RGL1: variants seen among roughly 807,000 people sequenced by gnomAD.
The protein encoded by RGL1 is ral guanine nucleotide dissociation stimulator-like 1.
RGL1 carries 24 observed loss-of-function variants against 95.2 expected under a neutral mutation model. The ratio of observed to expected loss-of-function variants is 0.25; its 90% CI spans 0.18 to 0.35. The LOEUF (loss-of-function observed/expected upper bound fraction) is 0.35. Among genes scored for constraint, RGL1 ranks in the 10% least tolerant of loss-of-function variants. The probability of loss-of-function intolerance (pLI) is 1.00; values close to 1 mark genes in which losing one functional copy is unlikely to be tolerated. For synonymous variants in RGL1, 329 were observed against 344.9 expected (o/e 0.95, Z 0.51); for missense variants, 715 against 936.3 (o/e 0.76, Z 3.08).
chr1:183,913,165 T>C (rs550302916), intron 15 of RGL1, among the ~76,000 whole-genome samples: 1 of 149,052 alleles, frequency 6.7e-6, no homozygotes, highest in South Asian at 2.1e-4. Flanking sequence ...CTTAAGATCT[T>C]AATTAAGACC....
chr1:183,742,730 GAGAA>G lies in RGL1; in HGVS notation c.132+445_132+448del, dbSNP rs775066450. Among the ~76,000 whole-genome samples the G allele has an allele frequency of 3.3e-5, 5 of 152,190 alleles. No homozygotes were observed. The East Asian group carries it at 7.7e-4, about 24-fold the overall frequency. On this transcript the variant is annotated intron_variant, in intron 2 of 18. Coordinates refer to the RGL1 transcript ENST00000304685. Reference sequence around the variant, plus strand: ...TTGTGGGGGGTGTGTGTGTGAGAGAGAGAAAGAGAGAGAGGGGACGGGGAGAGAG... The same window carrying G: ...TTGTGGGGGGTGTGTGTGTGAGAGAGAGAGAGAGAGGGGACGGGGAGAGAG...
chr1:183,864,171 A>C (rs1221135504), intron 3 of RGL1, among the ~76,000 whole-genome samples: 1 of 152,240 alleles, frequency 6.6e-6, no homozygotes, highest in Non-Finnish European at 1.5e-5. Flanking sequence ...TTTGAAAAAA[A>C]GACTATCAGG....
At chr1:183,869,897 G>A (rs915948118) in intron 4 of RGL1, among the ~76,000 whole-genome samples, 1 of 152,226 alleles carries the variant, frequency 6.6e-6, no homozygotes, top group Non-Finnish European at 1.5e-5. Context: ...AGGTATGGCA[G>A]TGGTTCTCAA....
intron 4 of RGL1, among the ~76,000 whole-genome samples, chr1:183,873,140 G>T (rs1274770264): frequency 4.6e-5 from 7 of 152,166 alleles, no homozygotes; most frequent in Non-Finnish European, 1.0e-4. Flanking sequence ...AAACAACATT[G>T]ATAATCAATG....
At chr1:183,904,437 T>G (rs536369956) in intron 12 of RGL1, among the ~76,000 whole-genome samples, 225 of 152,306 alleles carry the variant, frequency 1.5e-3, no homozygotes, top group Non-Finnish European at 2.7e-3. Context: ...TTCTTTTCTT[T>G]TTTTTAAGAA....
chr1:183,763,485 CTAA>C (rs1161485845), intron 2 of RGL1, among the ~76,000 whole-genome samples: 2 of 152,194 alleles, frequency 1.3e-5, no homozygotes, highest in African/African-American at 4.8e-5. Context: ...GTCTCTCAAA[CTAA>C]AATGTAAGCT....
intron 2 of RGL1, chr1:183,754,565 A>G (rs541618156): frequency 6.6e-6 from 1 of 152,292 alleles, no homozygotes; most frequent in Non-Finnish European, 1.5e-5. Flanking sequence ...GGACCTGGGA[A>G]TCTTTTGTAT....
intron 1 of RGL1, among the ~76,000 whole-genome samples, chr1:183,676,472 C>T (rs1252861863): frequency 6.6e-6 from 1 of 151,866 alleles, no homozygotes; most frequent in Non-Finnish European, 1.5e-5. Flanking sequence ...CCATATGTAT[C>T]ACAGTCTCAC....
intron 1 of RGL1, among the ~76,000 whole-genome samples, chr1:183,726,043 G>A (rs1656294414): frequency 6.6e-6 from 1 of 152,024 alleles, no homozygotes. Flanking sequence ...AAATTAAATA[G>A]CATACATTGA....
intron 2 of RGL1, among the ~76,000 whole-genome samples, chr1:183,808,021 AT>A (rs539165275): frequency 1.3e-5 from 2 of 152,090 alleles, no homozygotes; most frequent in Non-Finnish European, 2.9e-5. Context: ...GGGTCATTAC[AT>A]TTTTTTGGTA....
At chr1:183,722,845 G>C (rs981733701) in intron 1 of RGL1, among the ~76,000 whole-genome samples, 5 of 134,988 alleles carry the variant, frequency 3.7e-5, no homozygotes, top group African/African-American at 1.4e-4. Context: ...GAAGGAAAAT[G>C]ATACCTGATG....
chr1:183,796,193 T>C (rs1174479853), intron 2 of RGL1, among the ~76,000 whole-genome samples: 8 of 141,872 alleles, frequency 5.6e-5, no homozygotes, highest in African/African-American at 2.1e-4. Context: ...TGAGATGGAG[T>C]CTCGCTCTGC....
At chr1:183,689,458 A>G (rs76611272) in intron 1 of RGL1, among the ~76,000 whole-genome samples, 1 of 152,046 alleles carries the variant, frequency 6.6e-6, no homozygotes, top group Non-Finnish European at 1.5e-5. Context: ...AATTTTTTTT[A>G]GCATCTATTT....
chr1:183,866,178 TC>T, intron 4 of RGL1, 105 bp downstream of exon 4: 2 of 912,956 alleles, frequency 2.2e-6, no homozygotes, highest in Non-Finnish European at 3.5e-6. Context: ...GATTTTTTTT[TC>T]CATAGTGCAT....
rs80319179 is a variant in RGL1 at position 183,765,817 on chromosome 1, A to G, written c.132+23528A>G. Among the ~76,000 whole-genome samples, 275 of 152,354 alleles carry G rather than the reference A, an allele frequency of 1.8e-3. 6 individuals carry two copies. In the East Asian group the frequency reaches 0.042, roughly 23 times the overall value. ...TAAAAATCTTAGGATAGCTATAGTC[A>G]AAGACACAATTGACAAGAAAGTTTG... On this transcript the variant is annotated intron_variant, in intron 2 of 18. Transcript: ENST00000304685.
chr1:183,888,641 C>T, intron 8 of RGL1, 64 bp downstream of exon 8: 1 of 971,660 alleles, frequency 1.0e-6, no homozygotes, highest in Non-Finnish European at 1.7e-6. Flanking sequence ...GTGATGAGTC[C>T]TCACCTTCAA....
At chr1:183,865,421 G>A (rs1026749748) in intron 3 of RGL1, among the ~76,000 whole-genome samples, 1 of 152,190 alleles carries the variant, frequency 6.6e-6, no homozygotes, top group African/African-American at 2.4e-5. Context: ...AGACATGAGA[G>A]CTTCTACTGT....
intron 1 of RGL1, chr1:183,647,887 T>TG (rs1328141114): frequency 6.2e-7 from 1 of 1,614,164 alleles, no homozygotes; most frequent in South Asian, 1.1e-5. Flanking sequence ...GGTAAGTCCC[T>TG]GAGAGGCACT....
At chr1:183,723,042 A>C (rs1377182730) in intron 1 of RGL1, among the ~76,000 whole-genome samples, 1 of 152,232 alleles carries the variant, frequency 6.6e-6, no homozygotes, top group African/African-American at 2.4e-5. Context: ...AATAGCACAA[A>C]GGGCATTGGG....
Sources: allele counts gnomAD v4.1 joint callset (sites outside exome capture counted in the v4.1 genomes callset), GRCh38; gene constraint gnomAD v4.1.1; transcripts MANE v1.5; gene names NCBI Gene and HGNC (gene_info 2026-07-23, HGNC 2026-07-21).